KLHL4: variants seen among roughly 807,000 people sequenced by gnomAD.
KLHL4 encodes kelch-like protein 4.
KLHL4 carries 17 observed loss-of-function variants against 45.8 expected under a neutral mutation model. The ratio of observed to expected loss-of-function variants is 0.37; its 90% CI spans 0.25 to 0.56. The LOEUF (loss-of-function observed/expected upper bound fraction) is 0.56, where lower values mean the gene tolerates loss of function less well. KLHL4 is among the 20% of genes least tolerant of loss of function. KLHL4 has a pLI of 0.79. For missense variants in KLHL4, 544 were observed against 544.9 expected (o/e 1.00, Z 0.02); for synonymous variants, 224 against 189.9 (o/e 1.18, Z -1.47).
Position 87,613,890 on chromosome X carries a change from C to T in KLHL4, c.436C>T (p.His146Tyr), listed in dbSNP as rs1185473396. Residue 146 changes from histidine (H) to tyrosine (Y), a missense_variant, in exon 2 of 11, where the codon CAC (histidine) becomes TAC (tyrosine). Transcript: ENST00000373119. Reference protein sequence around the residue: ...EDSTARLDTQHSEDMNATRSE... With the variant: ...EDSTARLDTQYSEDMNATRSE... ...CTTCCTTTTCAGATTAGATACACAA[C>T]ACTCTGAAGACATGAATGCCACCAG... is the stretch of plus-strand genomic sequence containing the variant. The T allele has an allele frequency of 1.7e-6, 2 of 1,188,322 alleles. No homozygotes were observed. Among genetic ancestry groups the T allele is most frequent in the Non-Finnish European group, 2.3e-6 (2 of 883,000 alleles).
At chrX:87,600,261 C>T (rs986742385) in intron 1 of KLHL4, among the ~76,000 whole-genome samples, 2 of 110,561 alleles carry the variant, frequency 1.8e-5, no homozygotes, top group Non-Finnish European at 3.8e-5. Context: ...CCGAGGTGGG[C>T]GGATCACGAG....
chrX:87,580,927 A>G (rs903061768), intron 1 of KLHL4, among the ~76,000 whole-genome samples: 4 of 111,886 alleles, frequency 3.6e-5, no homozygotes, highest in African/African-American at 1.3e-4. Context: ...ACTCACATGT[A>G]TTCTATAGAC....
chrX:87,622,445 A>G (rs1309317254), intron 5 of KLHL4, 22 bp downstream of exon 5: 1 of 1,055,137 alleles, frequency 9.5e-7, no homozygotes, highest in East Asian at 3.1e-5. Flanking sequence ...TACCTAGGTA[A>G]TTTAAAATAT....
chrX:87,631,709 G>A (rs1280572383), intron 6 of KLHL4, among the ~76,000 whole-genome samples: 1 of 110,771 alleles, frequency 9.0e-6, no homozygotes, highest in African/African-American at 3.3e-5. Flanking sequence ...TTCATTCCTG[G>A]TCCTTTAGTT....
At chrX:87,637,648 T>A (rs908087044) in intron 9 of KLHL4, among the ~76,000 whole-genome samples, 1 of 111,754 alleles carries the variant, frequency 8.9e-6, no homozygotes, top group Non-Finnish European at 1.9e-5. Context: ...ATAGATAGCA[T>A]AAATAAAAAG....
rs150670370 is a variant in KLHL4 at position 87,658,042 on chromosome X, C to T, written c.1926-6722C>T. Among the ~76,000 whole-genome samples the T allele has an allele frequency of 9.6e-3, 1,072 of 112,233 alleles. 6 individuals carry two copies. The highest frequency in any genetic ancestry group is 0.032 in the African/African-American group (1,000 of 30,902). ...ACCTGCCTTGCTTCCTGGGTCACCA[C>T]CCTGCAGAGCTCCCTCCTGAAGCCT... is the stretch of plus-strand genomic sequence containing the variant. On this transcript the variant is annotated intron_variant, in intron 9 of 10. Transcript: ENST00000373119.
At chrX:87,575,583 C>A (rs1438235504) in intron 1 of KLHL4, among the ~76,000 whole-genome samples, 1 of 111,490 alleles carries the variant, frequency 9.0e-6, no homozygotes, top group African/African-American at 3.3e-5. Flanking sequence ...TGAGGGAAAT[C>A]GAAACTGAAG....
intron 1 of KLHL4, among the ~76,000 whole-genome samples, chrX:87,597,885 G>C (rs752054014): frequency 9.0e-6 from 1 of 110,658 alleles, no homozygotes; most frequent in African/African-American, 3.3e-5. Context: ...AAAGTGTCAT[G>C]TTCTAGTAAT....
intron 8 of KLHL4, among the ~76,000 whole-genome samples, chrX:87,635,188 C>A (rs1923226083): frequency 1.8e-5 from 2 of 111,879 alleles, no homozygotes; most frequent in South Asian, 7.4e-4. Context: ...TAGTTTAACC[C>A]TGCTAAAATT....
intron 9 of KLHL4, among the ~76,000 whole-genome samples, chrX:87,638,822 T>C (rs1024195333): frequency 1.7e-4 from 19 of 111,396 alleles, no homozygotes; most frequent in Non-Finnish European, 3.6e-4. Flanking sequence ...TAGCACAATG[T>C]ATAGAATAGT....
chrX:87,615,520 T>C (rs180965306), intron 3 of KLHL4, among the ~76,000 whole-genome samples: 133 of 111,333 alleles, frequency 1.2e-3, no homozygotes, highest in Non-Finnish European at 2.8e-4. Flanking sequence ...CACACAACAG[T>C]GTGTACACAA....
At chrX:87,640,039 G>A in intron 9 of KLHL4, among the ~76,000 whole-genome samples, 1 of 110,971 alleles carries the variant, frequency 9.0e-6, no homozygotes, top group Non-Finnish European at 1.9e-5. Flanking sequence ...AAACACAAAA[G>A]ATCATTCAAG....
intron 4 of KLHL4, among the ~76,000 whole-genome samples, chrX:87,620,817 A>G (rs752238361): frequency 1.8e-5 from 2 of 112,128 alleles, no homozygotes; most frequent in Non-Finnish European, 3.8e-5. Context: ...CCACTTTCTC[A>G]CAAGATCACA....
chrX:87,591,905 G>T (rs1921677133), intron 1 of KLHL4, among the ~76,000 whole-genome samples: 1 of 111,142 alleles, frequency 9.0e-6, no homozygotes, highest in Admixed American at 9.6e-5. Flanking sequence ...ACAATGAGTT[G>T]TTATTTACTG....
chrX:87,653,256 G>C (rs1293953106), intron 9 of KLHL4, among the ~76,000 whole-genome samples: 4 of 111,575 alleles, frequency 3.6e-5, no homozygotes, highest in South Asian at 3.8e-4. Flanking sequence ...TCTGCATATG[G>C]GTAGCCAGTT....
chrX:87,633,322 T>C (rs905486667), intron 7 of KLHL4, among the ~76,000 whole-genome samples: 4 of 112,282 alleles, frequency 3.6e-5, no homozygotes, highest in Non-Finnish European at 3.8e-5. Flanking sequence ...TTTTTATCCC[T>C]ATATTAAACA....
chrX:87,644,141 C>T (rs1923553917), intron 9 of KLHL4, among the ~76,000 whole-genome samples: 1 of 110,946 alleles, frequency 9.0e-6, no homozygotes, highest in African/African-American at 3.3e-5. Context: ...TGATCGTTCA[C>T]ATTGAAAACC....
At chrX:87,611,130 T>G (rs1161940566) in intron 1 of KLHL4, among the ~76,000 whole-genome samples, 1 of 111,804 alleles carries the variant, frequency 8.9e-6, no homozygotes, top group Admixed American at 9.5e-5. Context: ...AATTAAAAAA[T>G]TGCTTTTATT....
At chrX:87,652,831 C>T (rs985414364) in intron 9 of KLHL4, among the ~76,000 whole-genome samples, 2 of 112,019 alleles carry the variant, frequency 1.8e-5, no homozygotes, top group Non-Finnish European at 3.8e-5. Context: ...CCCCACTCTA[C>T]TGGTACCAAT....
Sources: gnomAD v4.1 joint callset for allele counts (sites outside exome capture counted in the v4.1 genomes callset) on GRCh38, gnomAD v4.1.1 for gene constraint, MANE v1.5 for transcripts, NCBI Gene and HGNC (gene_info 2026-07-23, HGNC 2026-07-21) for gene names.